Variants in PLEKHG1 observed in about 807,000 individuals in gnomAD.
The protein encoded by PLEKHG1 is pleckstrin homology and RhoGEF domain containing G1, also known as pleckstrin homology domain-containing family G member 1.
PLEKHG1 carries 44 observed loss-of-function variants against 100.8 expected under a neutral mutation model. That is an observed-to-expected ratio of 0.44 (90% CI 0.34 to 0.56). The LOEUF is 0.56. PLEKHG1 is among the 20% of genes least tolerant of loss of function. PLEKHG1 has a pLI of 0.01. For synonymous variants in PLEKHG1, 640 were observed against 662.5 expected (o/e 0.97, Z 0.52); for missense variants, 1,545 against 1,720.9 (o/e 0.90, Z 1.81).
chr6:150,810,658 T>TAGCACC (rs1787471986), intron 10 of PLEKHG1, among the ~76,000 whole-genome samples: 5 of 151,876 alleles, frequency 3.3e-5, no homozygotes, highest in African/African-American at 7.3e-5. Flanking sequence ...AGTGGCTCAC[T>TAGCACC]TTGGGAGGCA....
At chr6:150,603,815 G>T (rs552668422) in intron 1 of PLEKHG1, among the ~76,000 whole-genome samples, 1 of 152,158 alleles carries the variant, frequency 6.6e-6, no homozygotes, top group Non-Finnish European at 1.5e-5. Flanking sequence ...TCGTGGATCC[G>T]CAAATCCATA....
rs765105658 is a variant in PLEKHG1 at position 150,768,717 on chromosome 6, A to G, written c.491A>G (p.Gln164Arg). Residue 164 changes from glutamine (Q) to arginine (R), a missense_variant, in exon 3 of 16, where the codon CAG becomes CGG. By Grantham distance (43) the Gln-to-Arg change is conservative. Transcript: ENST00000358517. ...AGATCAGCCCTTTTTGGAAACATAC[A>G]GGATATCTACCACTTCAATAGGTAA... 49 of 1,598,724 alleles carry G rather than the reference A, an allele frequency of 3.1e-5. No homozygotes were observed. Among genetic ancestry groups the G allele is most frequent in the Non-Finnish European group, 3.8e-5 (44 of 1,166,046 alleles).
chr6:150,828,446 A>C, intron 14 of PLEKHG1: 1 of 1,415,474 alleles, frequency 7.1e-7, no homozygotes, highest in Non-Finnish European at 9.6e-7. Context: ...TTTTTAAAAA[A>C]GGAAAAAGCA....
chr6:150,623,553 G>A (rs867435654), intron 1 of PLEKHG1, among the ~76,000 whole-genome samples: 12 of 152,326 alleles, frequency 7.9e-5, no homozygotes, highest in Middle Eastern at 3.4e-3. Flanking sequence ...AGTAGAAGCA[G>A]AACTAGAAAT....
chr6:150,840,203 G>C (rs1777450169), exon 16 of PLEKHG1: 1 of 1,614,078 alleles, frequency 6.2e-7, no homozygotes, highest in Non-Finnish European at 8.5e-7. Flanking sequence ...CCAACAAAGA[G>C]AACTGGTGTC....
intron 3 of PLEKHG1, among the ~76,000 whole-genome samples, chr6:150,669,628 C>CCCA (rs1779519280): frequency 7.7e-6 from 1 of 129,232 alleles, no homozygotes; most frequent in African/African-American, 3.0e-5. Context: ...GGGAGTTTTG[C>CCCA]TCTTGTTGCC....
chr6:150,782,441 G>T (rs529283647), intron 3 of PLEKHG1, among the ~76,000 whole-genome samples: 1 of 152,140 alleles, frequency 6.6e-6, no homozygotes, highest in South Asian at 2.1e-4. Context: ...ACATTGATAT[G>T]GTTTCAGACT....
At chr6:150,659,593 T>C (rs1483382177) in intron 3 of PLEKHG1, among the ~76,000 whole-genome samples, 2 of 152,246 alleles carry the variant, frequency 1.3e-5, no homozygotes, top group African/African-American at 2.4e-5. Flanking sequence ...AATGGAGCTA[T>C]GGAGCAGCAG....
chr6:150,621,676 G>A (rs1777307434), intron 1 of PLEKHG1, among the ~76,000 whole-genome samples: 1 of 152,100 alleles, frequency 6.6e-6, no homozygotes, highest in African/African-American at 2.4e-5. Flanking sequence ...TGCCTGGCTG[G>A]CACAAATCAC....
intron 15 of PLEKHG1, 24 bp downstream of exon 16, chr6:150,832,229 C>G (rs761909867): frequency 3.3e-6 from 5 of 1,533,646 alleles, no homozygotes; most frequent in Middle Eastern, 4.5e-4. Context: ...GCCCTTCTTC[C>G]TTCTCCAAAG....
intron 7 of PLEKHG1, among the ~76,000 whole-genome samples, chr6:150,808,810 G>A (rs999046992): frequency 1.3e-5 from 2 of 151,922 alleles, no homozygotes; most frequent in Non-Finnish European, 2.9e-5. Context: ...GTGGCCCCTG[G>A]ACCTGGCTTT....
intron 3 of PLEKHG1, among the ~76,000 whole-genome samples, chr6:150,784,261 A>G (rs532040277): frequency 3.9e-5 from 6 of 152,318 alleles, no homozygotes; most frequent in African/African-American, 1.4e-4. Context: ...AATTATGTCA[A>G]CTAAGAGAAA....
chr6:150,721,769 G>A (rs6940569), intron 1 of PLEKHG1, among the ~76,000 whole-genome samples: 17,862 of 152,130 alleles, frequency 0.12, 1,102 homozygotes, highest in East Asian at 0.21. Flanking sequence ...CAATGATTGG[G>A]GCAAAGGAGG....
intron 2 of PLEKHG1, among the ~76,000 whole-genome samples, chr6:150,645,777 T>TTA (rs533496746): frequency 4.6e-5 from 7 of 151,796 alleles, no homozygotes; most frequent in Non-Finnish European, 1.0e-4. Flanking sequence ...AGTGGAACTC[T>TTA]TATACACTAT....
intron 3 of PLEKHG1, among the ~76,000 whole-genome samples, chr6:150,779,479 G>A (rs2128646788): frequency 6.6e-6 from 1 of 151,494 alleles, no homozygotes; most frequent in Non-Finnish European, 1.5e-5. Flanking sequence ...CCGAGTAGCT[G>A]GGCTTACAGG....
chr6:150,784,521 T>C (rs185623787), intron 3 of PLEKHG1, among the ~76,000 whole-genome samples: 204 of 152,344 alleles, frequency 1.3e-3, no homozygotes, highest in African/African-American at 4.7e-3. Context: ...TGCTCGATTT[T>C]GTAATCTCCC....
At chr6:150,609,465 A>ATAAG (rs769879972) in intron 1 of PLEKHG1, among the ~76,000 whole-genome samples, 4 of 152,172 alleles carry the variant, frequency 2.6e-5, no homozygotes, top group Non-Finnish European at 5.9e-5. Flanking sequence ...TTAGAGAGAA[A>ATAAG]TAAGCTCCAT....
intron 2 of PLEKHG1, among the ~76,000 whole-genome samples, chr6:150,738,671 A>C (rs1300213632): frequency 2.0e-5 from 3 of 152,036 alleles, no homozygotes; most frequent in Admixed American, 6.5e-5. Flanking sequence ...GTTGCTCTTC[A>C]TTCTTCCCCA....
At chr6:150,606,741 C>G (rs1776616567) in intron 1 of PLEKHG1, among the ~76,000 whole-genome samples, 2 of 152,168 alleles carry the variant, frequency 1.3e-5, no homozygotes, top group Admixed American at 1.3e-4. Flanking sequence ...CTATTTCTGG[C>G]TGTAATCAAG....
Sources: allele counts gnomAD v4.1 joint callset (sites outside exome capture counted in the v4.1 genomes callset), GRCh38; gene constraint gnomAD v4.1.1; transcripts MANE v1.5; gene names NCBI Gene and HGNC (gene_info 2026-07-23, HGNC 2026-07-21).